Variants in SRD5A2 observed in about 807,000 individuals in gnomAD.
The protein encoded by SRD5A2 is 3-oxo-5-alpha-steroid 4-dehydrogenase 2.
In SRD5A2, 30 loss-of-function variants were observed where a neutral mutation model predicts 27.4. The ratio of observed to expected loss-of-function variants is 1.10; its 90% CI spans 0.82 to 1.49. The LOEUF (loss-of-function observed/expected upper bound fraction) is 1.49, where lower values mean the gene tolerates loss of function less well. Among genes scored for constraint, SRD5A2 ranks in the 40% most tolerant of loss-of-function variants. SRD5A2 has a pLI of 0.00. For missense variants in SRD5A2, 348 were observed against 323.4 expected (o/e 1.08, Z -0.58); for synonymous variants, 141 against 133.6 (o/e 1.06, Z -0.38).
chr2:31,558,778 TGCA>T (rs1233362067), intron 1 of SRD5A2, among the ~76,000 whole-genome samples: 2 of 152,170 alleles, frequency 1.3e-5, no homozygotes, highest in Non-Finnish European at 2.9e-5. Flanking sequence ...TGTAGAGGTT[TGCA>T]GCCTAGGAAC....
At chr2:31,615,661 C>T in the SRD5A2 span, among the ~76,000 whole-genome samples, 1 of 152,150 alleles carries the variant, frequency 6.6e-6, no homozygotes, top group Non-Finnish European at 1.5e-5. Flanking sequence ...AAAAGAAAAA[C>T]CCCATTTTCT....
chr2:31,604,023 C>T, the SRD5A2 span, among the ~76,000 whole-genome samples: 1 of 151,850 alleles, frequency 6.6e-6, no homozygotes. Context: ...AAAACCTGCA[C>T]ATCCTATACA....
chr2:31,660,344 T>C, the SRD5A2 span, among the ~76,000 whole-genome samples: 7 of 152,212 alleles, frequency 4.6e-5, no homozygotes, highest in Non-Finnish European at 7.4e-5. Flanking sequence ...GAAGAGAATA[T>C]AGCAATCTCT....
At chr2:31,635,829 T>C in the SRD5A2 span, among the ~76,000 whole-genome samples, 2 of 152,130 alleles carry the variant, frequency 1.3e-5, no homozygotes, top group African/African-American at 4.8e-5. Context: ...TTGTATGTTC[T>C]TGGTACTCCT....
chr2:31,549,081 AATT>A (rs71405576), intron 1 of SRD5A2, among the ~76,000 whole-genome samples: 8,739 of 131,298 alleles, frequency 0.067, 291 homozygotes, highest in Middle Eastern at 0.14. Context: ...AAGTAGAGGG[AATT>A]ATTATTATTA....
intron 1 of SRD5A2, among the ~76,000 whole-genome samples, chr2:31,562,758 G>T (rs1322166997): frequency 6.6e-6 from 1 of 152,082 alleles, no homozygotes; most frequent in Non-Finnish European, 1.5e-5. Context: ...ATCATTAGAA[G>T]CTCAAACCTC....
At chr2:31,562,101 T>C (rs1286958866) in intron 1 of SRD5A2, among the ~76,000 whole-genome samples, 1 of 152,166 alleles carries the variant, frequency 6.6e-6, no homozygotes, top group Non-Finnish European at 1.5e-5. Context: ...GATAAATACA[T>C]GCCATTTCTC....
chr2:31,614,290 A>G, the SRD5A2 span, among the ~76,000 whole-genome samples: 7 of 152,218 alleles, frequency 4.6e-5, no homozygotes, highest in African/African-American at 1.7e-4. Flanking sequence ...TCCAAAACAC[A>G]GGGACTGCAG....
At chr2:31,531,350 T>TG in intron 3 of SRD5A2, 21 bp downstream of exon 3, 2 of 1,533,656 alleles carry the variant, frequency 1.3e-6, no homozygotes, top group Non-Finnish European at 8.9e-7. Flanking sequence ...AGTGAGAGTC[T>TG]GGGGGCAGGG....
Position 31,563,417 on chromosome 2 carries a change from AC to A in SRD5A2, c.281+17202del, listed in dbSNP as rs1361301142. On this transcript the variant is annotated intron_variant, in intron 1 of 4. Transcript: ENST00000622030. ...GGTAAGTTATATGAAATAATTATTTACAAAACACTGGATATTAGGCAATGAA... is the reference window on the plus strand; with the variant it reads ...GGTAAGTTATATGAAATAATTATTTAAAAACACTGGATATTAGGCAATGAA... The A allele has an allele frequency of 5.9e-5, 9 of 152,244 alleles. No homozygotes were observed. The East Asian group carries it at 1.5e-3, about 26-fold the overall frequency. 9.4% of individuals were successfully genotyped at this position (152,244 alleles called of 1,614,324 possible). A position where few individuals can be genotyped will look rare whatever the true frequency, so the allele number is the denominator to read the frequency against.
intron 1 of SRD5A2, among the ~76,000 whole-genome samples, chr2:31,574,483 C>T (rs1277482791): frequency 6.6e-6 from 1 of 152,126 alleles, no homozygotes; most frequent in East Asian, 1.9e-4. Flanking sequence ...AAAAGTTGGT[C>T]CTTTCTTCAG....
intron 1 of SRD5A2, among the ~76,000 whole-genome samples, chr2:31,575,846 G>T (rs1051740527): frequency 2.0e-5 from 3 of 152,136 alleles, no homozygotes; most frequent in Admixed American, 6.5e-5. Flanking sequence ...TCCCATCAAA[G>T]TCTTGAAAAA....
chr2:31,549,108 T>TATC, intron 1 of SRD5A2, among the ~76,000 whole-genome samples: 2 of 146,128 alleles, frequency 1.4e-5, no homozygotes, highest in East Asian at 3.9e-4. Flanking sequence ...TTATTATTAT[T>TATC]ATTATTATTA....
the SRD5A2 span, among the ~76,000 whole-genome samples, chr2:31,653,191 T>C: frequency 6.6e-6 from 1 of 152,154 alleles, no homozygotes; most frequent in African/African-American, 2.4e-5. Context: ...TTCCAAGGGT[T>C]TCCTCTTGTA....
intron 1 of SRD5A2, among the ~76,000 whole-genome samples, chr2:31,562,563 C>G (rs961615725): frequency 1.3e-5 from 2 of 152,144 alleles, no homozygotes; most frequent in African/African-American, 4.8e-5. Context: ...AGTTTTGCAG[C>G]AATGAGGCCT....
At chr2:31,542,480 G>A (rs180690864) in intron 1 of SRD5A2, among the ~76,000 whole-genome samples, 36 of 152,156 alleles carry the variant, frequency 2.4e-4, no homozygotes, top group Admixed American at 5.2e-4. Context: ...ATGTACTACA[G>A]CCTGGATGAC....
At chr2:31,658,856 A>C in the SRD5A2 span, among the ~76,000 whole-genome samples, 1 of 152,132 alleles carries the variant, frequency 6.6e-6, no homozygotes, top group African/African-American at 2.4e-5. Context: ...CTCTTCCTTA[A>C]CTCATCCTAT....
At position 31,580,684 on chromosome 2, in the gene SRD5A2, G is replaced by A. The variant is rs1398349933; in HGVS notation, c.217C>T (p.Leu73Phe). The A allele has an allele frequency of 5.6e-6, 9 of 1,599,060 alleles. No individual in the cohort carries two copies. The highest frequency in any genetic ancestry group is 3.4e-4 in the Middle Eastern group (2 of 5,906). Residue 73 changes from leucine (L) to phenylalanine (F), a missense_variant, in exon 1 of 5, where the codon CTC (leucine) becomes TTC (phenylalanine). Transcript: ENST00000622030. ...GTCCCAGGTGGCCCGAAGAGGGAGA[G>A]GGGCTGCCGGGCGAGGATCCCCGCG... ...VPAGILARQP[L>F]SLFGPPGTVL...
the SRD5A2 span, among the ~76,000 whole-genome samples, chr2:31,633,984 G>A: frequency 6.6e-6 from 1 of 152,116 alleles, no homozygotes; most frequent in Non-Finnish European, 1.5e-5. Context: ...GCAAAAACAG[G>A]AGGTAAAGAA....
Sources: allele counts gnomAD v4.1 joint callset (sites outside exome capture counted in the v4.1 genomes callset), GRCh38; gene constraint gnomAD v4.1.1; transcripts MANE v1.5; gene names NCBI Gene and HGNC (gene_info 2026-07-23, HGNC 2026-07-21).